CDH4: variants seen among roughly 807,000 people sequenced by gnomAD.
The protein encoded by CDH4 is cadherin-4.
In CDH4, 33 loss-of-function variants were observed where a neutral mutation model predicts 86.0. The ratio of observed to expected loss-of-function variants is 0.38; its 90% CI spans 0.29 to 0.51. The LOEUF (loss-of-function observed/expected upper bound fraction) is 0.51. Ranked by LOEUF, CDH4 falls within the 20% of genes least tolerant of loss-of-function variation. The pLI is 0.86. For missense variants in CDH4, 1,114 were observed against 1,307.4 expected, an observed-to-expected ratio of 0.85 and a Z score of 2.28; for synonymous variants, 555 against 549.4, an observed-to-expected ratio of 1.01 and a Z score of -0.14.
At chr20:61,738,564 C>T (rs2088293806) in intron 2 of CDH4, 1 of 152,280 alleles carries the variant, frequency 6.6e-6, no homozygotes, top group Non-Finnish European at 1.5e-5. Context: ...GGGGCCAACA[C>T]CCCAGCAGGA....
chr20:61,600,650 G>T (rs984759558), intron 2 of CDH4, among the ~76,000 whole-genome samples: 1 of 152,136 alleles, frequency 6.6e-6, no homozygotes, highest in African/African-American at 2.4e-5. Flanking sequence ...CGCCCCCAGG[G>T]GTATTAAAAT....
Position 61,810,718 on chromosome 20 carries a change from G to A in CDH4, c.577-33950G>A, listed in dbSNP as rs6061837. On this transcript the variant is annotated intron_variant, in intron 4 of 15. Coordinates refer to ENST00000614565, the MANE Select transcript of CDH4 (RefSeq NM_001794.5). This position sits in a 1 kb window ranked among gnomAD's most constrained non-coding sequence, Gnocchi z 4.3. ...AATCAGTACTCTGCCGCTAGATGAC[G>A]TGTAGCCGCATTCAGGGTCTGGCTG... 2.6e-5 allele frequency among the ~76,000 whole-genome samples: 4 copies of A among 152,306 alleles called. No individual in the cohort carries two copies. The highest frequency in any genetic ancestry group is 7.2e-5 in the African/African-American group (3 of 41,554).
intron 2 of CDH4, among the ~76,000 whole-genome samples, chr20:61,704,909 A>G (rs61533207): frequency 2.6e-5 from 4 of 152,208 alleles, no homozygotes; most frequent in African/African-American, 7.2e-5. Flanking sequence ...AAATGCACCC[A>G]GATTCCAGAA....
At chr20:61,331,757 C>T (rs147013757) in intron 2 of CDH4, among the ~76,000 whole-genome samples, 5 of 152,118 alleles carry the variant, frequency 3.3e-5, no homozygotes, top group African/African-American at 1.2e-4. Flanking sequence ...GTCCCCAGGT[C>T]CCCTGTGTTA....
chr20:61,756,240 C>G (rs2088563245), intron 3 of CDH4, among the ~76,000 whole-genome samples: 1 of 151,862 alleles, frequency 6.6e-6, no homozygotes, highest in Non-Finnish European at 1.5e-5. Flanking sequence ...CTGAGCTCCT[C>G]TCAACCCTGG....
At chr20:61,472,641 A>G (rs2085511480) in intron 2 of CDH4, among the ~76,000 whole-genome samples, 1 of 152,242 alleles carries the variant, frequency 6.6e-6, no homozygotes, top group South Asian at 2.1e-4. Context: ...GTACAAACAA[A>G]TTGTCTACCT....
At chr20:61,741,807 A>C (rs1693071653) in intron 2 of CDH4, among the ~76,000 whole-genome samples, 1 of 152,008 alleles carries the variant, frequency 6.6e-6, no homozygotes, top group African/African-American at 2.4e-5. Flanking sequence ...CAAAGTGCTG[A>C]GATGACAGGC....
intron 4 of CDH4, among the ~76,000 whole-genome samples, chr20:61,794,484 C>G (rs920500107): frequency 1.3e-5 from 2 of 152,196 alleles, no homozygotes; most frequent in Non-Finnish European, 2.9e-5. Flanking sequence ...GACATTAATT[C>G]CTCAGCATTT....
chr20:61,356,976 G>T (rs1053003683), intron 2 of CDH4, among the ~76,000 whole-genome samples: 4 of 152,190 alleles, frequency 2.6e-5, no homozygotes, highest in African/African-American at 9.7e-5. Context: ...GCTAAGAGAC[G>T]AGGGAATCTG....
intron 2 of CDH4, among the ~76,000 whole-genome samples, chr20:61,732,512 C>G (rs2088204143): frequency 6.6e-6 from 1 of 152,202 alleles, no homozygotes; most frequent in African/African-American, 2.4e-5. Flanking sequence ...GCCTCAGGAC[C>G]CAGGGCCTTG....
chr20:61,477,231 C>A (rs147444483), intron 2 of CDH4, among the ~76,000 whole-genome samples: 13 of 152,330 alleles, frequency 8.5e-5, no homozygotes, highest in Non-Finnish European at 1.9e-4. Context: ...TGGTCCGGGG[C>A]AGGAGGGGTC....
intron 2 of CDH4, among the ~76,000 whole-genome samples, chr20:61,548,050 C>T (rs1272376944): frequency 6.6e-6 from 1 of 152,328 alleles, no homozygotes; most frequent in African/African-American, 2.4e-5. Context: ...ATCAAACCCT[C>T]AGGGCAGGGC....
chr20:61,925,520 C>T (rs557022858), intron 11 of CDH4, among the ~76,000 whole-genome samples: 11 of 152,334 alleles, frequency 7.2e-5, no homozygotes, highest in Admixed American at 6.5e-4. Context: ...CTGTTTGCTG[C>T]GGCCGTGATG....
chr20:61,463,609 G>T (rs952357928), intron 2 of CDH4, among the ~76,000 whole-genome samples: 3 of 152,294 alleles, frequency 2.0e-5, no homozygotes, highest in African/African-American at 7.2e-5. Flanking sequence ...ATGTGCATAG[G>T]TGGGTCCTGG....
chr20:61,437,804 C>T (rs1477226456), intron 2 of CDH4, among the ~76,000 whole-genome samples: 2 of 152,160 alleles, frequency 1.3e-5, no homozygotes, highest in Non-Finnish European at 2.9e-5. Flanking sequence ...ACACTCCACA[C>T]GACGGTTAGG....
At chr20:61,259,331 T>C (rs767472172) in intron 2 of CDH4, among the ~76,000 whole-genome samples, 30 of 152,210 alleles carry the variant, frequency 2.0e-4, no homozygotes, top group Non-Finnish European at 2.9e-4. Context: ...ATAGGCTCTT[T>C]GCCCATGCAG....
chr20:61,822,129 A>G (rs996018205), intron 4 of CDH4, among the ~76,000 whole-genome samples: 5 of 152,226 alleles, frequency 3.3e-5, no homozygotes, highest in Non-Finnish European at 7.3e-5. Flanking sequence ...ACTTATTTGC[A>G]GTAACTCTGC....
chr20:61,585,485 G>T (rs1436782643), intron 2 of CDH4, among the ~76,000 whole-genome samples: 6 of 152,214 alleles, frequency 3.9e-5, no homozygotes, highest in African/African-American at 1.2e-4. Context: ...TGCCATTTCT[G>T]TCTTAATTTT....
rs1266204640 is a variant in CDH4 at position 61,544,776 on chromosome 20, G to GC, written c.170-198785dup. ...AATTGGCTTGGTCCATGGACTGGAAGCCTGACTCCCCCGACAGCCCTCCCT... is the reference window on the plus strand; with the variant it reads ...AATTGGCTTGGTCCATGGACTGGAAGCCCTGACTCCCCCGACAGCCCTCCCT... On this transcript the variant is annotated intron_variant, in intron 2 of 15. Coordinates refer to ENST00000614565, the MANE Select transcript of CDH4 (RefSeq NM_001794.5). The surrounding 1 kb of genome is among the most constrained non-coding windows in gnomAD (Gnocchi z 6.5). 6.6e-6 allele frequency among the ~76,000 whole-genome samples: 1 copy of GC among 152,104 alleles called. No individual in the cohort carries two copies. Among genetic ancestry groups the GC allele is most frequent in the Admixed American group, 6.5e-5 (1 of 15,276 alleles).
Sources: gnomAD v4.1 joint callset for allele counts (sites outside exome capture counted in the v4.1 genomes callset) on GRCh38, gnomAD v4.1.1 for gene constraint, Gnocchi (gnomAD v3.1) non-coding constraint, MANE v1.5 for transcripts, NCBI Gene and HGNC (gene_info 2026-07-23, HGNC 2026-07-21) for gene names.